The following CRPPA variants were observed in gnomAD, a reference collection of about 807,000 sequenced individuals.
CRPPA encodes the protein CDP-L-ribitol pyrophosphorylase A, also known as D-ribitol-5-phosphate cytidylyltransferase.
CRPPA carries 43 observed loss-of-function variants against 52.0 expected under a neutral mutation model. The observed-to-expected ratio is 0.83, with a 90% CI of 0.65 to 1.07. CRPPA has a LOEUF of 1.07. Among genes scored for constraint, CRPPA ranks in the 50% least tolerant of loss-of-function variants. The probability of loss-of-function intolerance (pLI) is 0.00; values close to 1 mark genes in which losing one functional copy is unlikely to be tolerated. For missense variants in CRPPA, 629 were observed against 551.7 expected, an observed-to-expected ratio of 1.14 and a Z score of -1.40; for synonymous variants, 250 against 203.5, an observed-to-expected ratio of 1.23 and a Z score of -1.94.
At chr7:16,175,144 A>G (rs1265742358) in intron 9 of CRPPA, among the ~76,000 whole-genome samples, 1 of 152,182 alleles carries the variant, frequency 6.6e-6, no homozygotes, top group Non-Finnish European at 1.5e-5. Flanking sequence ...AGTTAAATAA[A>G]TTTGCACATA....
intron 8 of CRPPA, among the ~76,000 whole-genome samples, chr7:16,248,818 G>A (rs1019081079): frequency 6.6e-6 from 1 of 152,164 alleles, no homozygotes; most frequent in Non-Finnish European, 1.5e-5. Flanking sequence ...GCCAAGGGAA[G>A]CCATGACAGA....
At chr7:16,390,462 C>A (rs938781190) in intron 2 of CRPPA, among the ~76,000 whole-genome samples, 1 of 152,196 alleles carries the variant, frequency 6.6e-6, no homozygotes, top group East Asian at 1.9e-4. Context: ...CACCAATGAC[C>A]CCCACGTTGC....
intron 9 of CRPPA, among the ~76,000 whole-genome samples, chr7:16,214,835 T>A (rs1468597374): frequency 6.6e-6 from 1 of 152,166 alleles, no homozygotes; most frequent in Non-Finnish European, 1.5e-5. Context: ...TGGATACAGA[T>A]CTGAGTTCTG....
At chr7:16,359,315 C>T (rs1056170839) in intron 3 of CRPPA, among the ~76,000 whole-genome samples, 4 of 152,076 alleles carry the variant, frequency 2.6e-5, no homozygotes, top group African/African-American at 4.8e-5. Flanking sequence ...TCATTTCTGC[C>T]CCCTAAATAA....
intron 1 of CRPPA, among the ~76,000 whole-genome samples, chr7:16,415,262 C>G (rs1788166773): frequency 6.6e-6 from 1 of 152,192 alleles, no homozygotes; most frequent in South Asian, 2.1e-4. Context: ...CTTTCAATGT[C>G]TCCTCCAACT....
intron 6 of CRPPA, chr7:16,276,936 C>A (rs1454690346): frequency 6.6e-6 from 1 of 152,118 alleles, no homozygotes; most frequent in Non-Finnish European, 1.5e-5. Flanking sequence ...GTATCCAGTA[C>A]AGCACTGAAG....
At chr7:16,333,742 T>A (rs991981667) in intron 3 of CRPPA, among the ~76,000 whole-genome samples, 6 of 152,128 alleles carry the variant, frequency 3.9e-5, no homozygotes, top group African/African-American at 1.4e-4. Flanking sequence ...TTTCTTTAGC[T>A]TCTCCCCCAA....
intron 9 of CRPPA, among the ~76,000 whole-genome samples, chr7:16,172,058 C>A (rs146674323): frequency 6.6e-6 from 1 of 152,184 alleles, no homozygotes; most frequent in Admixed American, 6.5e-5. Context: ...TACGAAAGCA[C>A]GCTTTCTTTG....
chr7:16,122,340 G>GA (rs984397940), intron 9 of CRPPA, among the ~76,000 whole-genome samples: 2 of 151,874 alleles, frequency 1.3e-5, no homozygotes, highest in Admixed American at 1.3e-4. Flanking sequence ...TTACAAGAAA[G>GA]AAAGAGTCCA....
intron 3 of CRPPA, among the ~76,000 whole-genome samples, chr7:16,325,312 G>C (rs1785357331): frequency 1.3e-5 from 2 of 152,182 alleles, no homozygotes; most frequent in Admixed American, 1.3e-4. Context: ...CCATAGATTA[G>C]ACAGATTAAG....
chr7:16,113,720 C>T (rs1782312539), intron 9 of CRPPA, among the ~76,000 whole-genome samples: 1 of 151,002 alleles, frequency 6.6e-6, no homozygotes, highest in Non-Finnish European at 1.5e-5. Context: ...TACAACACTC[C>T]CCCCTCCACA....
chr7:16,186,781 T>G (rs924404214), intron 9 of CRPPA, among the ~76,000 whole-genome samples: 1 of 148,786 alleles, frequency 6.7e-6, no homozygotes, highest in African/African-American at 2.5e-5. Flanking sequence ...AGTTCCCAAA[T>G]ATACACAGAG....
chr7:16,209,330 G>A (rs1349464208), intron 9 of CRPPA: 2 of 161,608 alleles, frequency 1.2e-5, no homozygotes, highest in East Asian at 3.6e-4. Flanking sequence ...GGAGGGCAGT[G>A]GCAATCTCGG....
chr7:16,119,290 G>T (rs746483531), intron 9 of CRPPA, among the ~76,000 whole-genome samples: 12 of 151,962 alleles, frequency 7.9e-5, no homozygotes, highest in Non-Finnish European at 5.9e-5. Flanking sequence ...CACACAGTAG[G>T]ATCATAGAAA....
chr7:16,203,732 G>C (rs1583426448), intron 9 of CRPPA, among the ~76,000 whole-genome samples: 1 of 152,070 alleles, frequency 6.6e-6, no homozygotes, highest in Admixed American at 6.6e-5. Context: ...TCTGTGTTGT[G>C]TTTCTGACAT....
chr7:16,285,554 G>A (rs1784406903), intron 5 of CRPPA, among the ~76,000 whole-genome samples: 1 of 151,970 alleles, frequency 6.6e-6, no homozygotes, highest in Admixed American at 6.6e-5. Flanking sequence ...GCATTTAAAG[G>A]TCACATAGTT....
chr7:16,212,619 A>G (rs1782180993), intron 9 of CRPPA, among the ~76,000 whole-genome samples: 2 of 152,252 alleles, frequency 1.3e-5, no homozygotes. Context: ...AAGAAAAACC[A>G]GGCTCAGTTC....
chr7:16,246,526 A>T (rs1179745436), intron 8 of CRPPA, among the ~76,000 whole-genome samples: 2 of 152,236 alleles, frequency 1.3e-5, no homozygotes, highest in Admixed American at 1.3e-4. Flanking sequence ...AGAGGAATCT[A>T]TCTAGGGCAG....
chr7:16,228,374 T>C (rs984195893), intron 8 of CRPPA, among the ~76,000 whole-genome samples: 2 of 151,940 alleles, frequency 1.3e-5, no homozygotes, highest in Admixed American at 1.3e-4. Context: ...TTGTGTTTTC[T>C]AGTTCCTTCA....
Sources: allele counts gnomAD v4.1 joint callset (sites outside exome capture counted in the v4.1 genomes callset), GRCh38; gene constraint gnomAD v4.1.1; transcripts MANE v1.5; gene names NCBI Gene and HGNC (gene_info 2026-07-23, HGNC 2026-07-21).